Variants in USP46 observed in about 807,000 individuals in gnomAD.
USP46 encodes ubiquitin specific peptidase 46.
In USP46, 12 loss-of-function variants were observed where a neutral mutation model predicts 44.4. The ratio of observed to expected loss-of-function variants is 0.27; its 90% CI spans 0.17 to 0.44. The LOEUF is 0.44. USP46 is among the 20% of genes least tolerant of loss of function. The pLI, the probability that USP46 is intolerant of heterozygous loss-of-function variation, is 1.00. For synonymous variants in USP46, 155 were observed against 161.5 expected (o/e 0.96, Z 0.31); for missense variants, 248 against 444.8 (o/e 0.56, Z 3.98).
At chr4:52,611,716 G>A (rs539071297) in intron 4 of USP46, among the ~76,000 whole-genome samples, 29 of 152,134 alleles carry the variant, frequency 1.9e-4, no homozygotes, top group African/African-American at 5.3e-4. Flanking sequence ...GTGAAACTCC[G>A]TCTCTACTAA....
intron 1 of USP46, among the ~76,000 whole-genome samples, chr4:52,642,417 T>TG (rs1718377463): frequency 6.6e-6 from 1 of 152,236 alleles, no homozygotes; most frequent in Admixed American, 6.5e-5. Flanking sequence ...GGTTTGAACT[T>TG]GAACAATCTG....
rs759107329 is a variant in USP46, at chr4:52,630,606, C to T, written c.117+458G>A. 9.2e-5 allele frequency among the ~76,000 whole-genome samples: 14 copies of T among 151,868 alleles called. No homozygotes were observed. In the East Asian group the frequency reaches 1.7e-3, roughly 19 times the overall value. ...CTAAAAAATTAGCTGGGCATGGTGG[C>T]GCATGCCTGTAATCCCAGCTACTCG... On this transcript the variant is annotated intron_variant, in intron 2 of 8. Transcript: ENST00000441222.
At chr4:52,605,266 T>G (rs1160824466) in intron 5 of USP46, among the ~76,000 whole-genome samples, 1 of 152,150 alleles carries the variant, frequency 6.6e-6, no homozygotes, top group African/African-American at 2.4e-5. Context: ...ACAAAAGCCA[T>G]TGTGTTTGTC....
Position 52,659,075 on chromosome 4 carries a change from C to T in USP46, c.36+40G>A, listed in dbSNP as rs572623224. The stretch of plus-strand genomic sequence containing the variant: ...TCGGGCTTCCCTTTCTTTGCCTCGC[C>T]GCGAGTCGGGCGCGACCCCGAGGCG... On this transcript the variant is annotated intron_variant, in intron 1 of 8. Transcript: ENST00000441222. The surrounding 1 kb of genome is among the most constrained non-coding windows in gnomAD (Gnocchi z 4.2). 6 of 1,542,500 alleles carry T rather than the reference C, an allele frequency of 3.9e-6. No homozygotes were observed. In the South Asian group the frequency reaches 4.8e-5, roughly 12 times the overall value.
In USP46 at chr4:52,598,614, A is replaced by G. The variant is rs1333332173; in HGVS notation, c.999+14T>C. On this transcript the variant is annotated intron_variant, in intron 8 of 8. Transcript: ENST00000441222. ...GATGCTCTATGACTACTGGAGAATA[A>G]TCTGCAAACCAACCTCTACAATGTC... The G allele has an allele frequency of 2.0e-5, 32 of 1,605,030 alleles. No homozygotes were observed. The highest frequency in any genetic ancestry group is 2.7e-5 in the Non-Finnish European group (32 of 1,175,650).
At chr4:52,636,901 C>T (rs1718139602) in intron 1 of USP46, among the ~76,000 whole-genome samples, 1 of 151,594 alleles carries the variant, frequency 6.6e-6, no homozygotes, top group African/African-American at 2.4e-5. Context: ...CCTTGACCTC[C>T]CAGGCTCAAG....
At chr4:52,638,284 T>G (rs780679215) in intron 1 of USP46, among the ~76,000 whole-genome samples, 29 of 152,000 alleles carry the variant, frequency 1.9e-4, no homozygotes, top group Admixed American at 1.4e-3. Flanking sequence ...GCCATGCTGC[T>G]GGCCTTGAAG....
chr4:52,658,657 A>G (rs545645718), intron 1 of USP46, among the ~76,000 whole-genome samples: 1 of 152,332 alleles, frequency 6.6e-6, no homozygotes, highest in South Asian at 2.1e-4. Context: ...TTGCTATTGC[A>G]AAGTGAATTT....
chr4:52,599,919 C>T (rs920011544), intron 7 of USP46, among the ~76,000 whole-genome samples: 3 of 152,118 alleles, frequency 2.0e-5, no homozygotes, highest in African/African-American at 7.2e-5. Flanking sequence ...TAAACTCTGC[C>T]AGAGATAATC....
rs1316287178 is a variant in USP46, at chr4:52,632,976, G to GAA, written c.37-1834_37-1833dup. 9.1e-5 allele frequency among the ~76,000 whole-genome samples: 7 copies of GAA among 76,758 alleles called. No homozygotes were observed. In the South Asian group the frequency reaches 2.9e-3, roughly 32 times the overall value. 50.4% of individuals were successfully genotyped at this position (76,758 alleles called of 152,430 possible). Reference sequence around the variant, plus strand: ...AGAAAGAAAGAAAGAAAGAAAGAAAGAAAGAAAGAAAAGAAAAGAAAGAAA... The same window carrying GAA: ...AGAAAGAAAGAAAGAAAGAAAGAAAGAAAAAGAAAGAAAAGAAAAGAAAGAAA... On this transcript the variant is annotated intron_variant, in intron 1 of 8. Coordinates refer to ENST00000441222, the MANE Select transcript of USP46 (RefSeq NM_022832.4).
intron 1 of USP46, among the ~76,000 whole-genome samples, chr4:52,641,129 T>C (rs909451672): frequency 2.0e-5 from 3 of 152,148 alleles, no homozygotes; most frequent in Non-Finnish European, 4.4e-5. Context: ...ATTGCACTTC[T>C]ATTGCTAGCA....
rs1399425962 is a variant in USP46 at position 52,593,501 on chromosome 4, T to C, written c.*4139A>G. Reference sequence around the variant, plus strand: ...AATTGGGCCCAAGCATGTATTCCGATGACAATCTTCTGTCCACCCACAGGT... The same window carrying C: ...AATTGGGCCCAAGCATGTATTCCGACGACAATCTTCTGTCCACCCACAGGT... On this transcript the variant is annotated 3_prime_UTR_variant, in exon 9 of 9. Coordinates refer to ENST00000441222, the MANE Select transcript of USP46 (RefSeq NM_022832.4). 1 of 152,262 alleles carries C rather than the reference T, an allele frequency of 6.6e-6. No homozygotes were observed. Among genetic ancestry groups the C allele is most frequent in the African/African-American group, 2.4e-5 (1 of 41,472 alleles). The allele number at this position is 152,262 out of a possible 1,614,324, so 9.4% of individuals were successfully genotyped here. A position where few individuals can be genotyped will look rare whatever the true frequency, so the allele number is the denominator to read the frequency against.
intron 4 of USP46, among the ~76,000 whole-genome samples, chr4:52,624,457 G>A (rs765518104): frequency 2.0e-5 from 3 of 152,090 alleles, no homozygotes; most frequent in Non-Finnish European, 2.9e-5. Flanking sequence ...GAAGATTACC[G>A]GTAACTTTTA....
intron 4 of USP46, among the ~76,000 whole-genome samples, chr4:52,612,704 G>T (rs986250295): frequency 6.6e-6 from 1 of 152,210 alleles, no homozygotes; most frequent in African/African-American, 2.4e-5. Flanking sequence ...TTGCAGACAC[G>T]TGAGTGGGCT....
At chr4:52,654,006 A>T (rs947214080) in intron 1 of USP46, among the ~76,000 whole-genome samples, 2 of 152,236 alleles carry the variant, frequency 1.3e-5, no homozygotes, top group Non-Finnish European at 2.9e-5. Flanking sequence ...GTTGTTATAC[A>T]GAAAAGGTAT....
At position 52,656,199 on chromosome 4, in the gene USP46, T is replaced by A; in HGVS notation, c.36+2916A>T. On this transcript the variant is annotated intron_variant, in intron 1 of 8. Coordinates refer to ENST00000441222, the MANE Select transcript of USP46 (RefSeq NM_022832.4). ...AATCACCATTTGCTCTTACTACAAC[T>A]ACTCAAACCAGCTGGGACCAAAGTT... 6.4e-6 allele frequency: 8 copies of A among 1,245,912 alleles called. No homozygotes were observed. In the South Asian group the frequency reaches 9.2e-5, roughly 14 times the overall value. 77.2% of individuals were successfully genotyped at this position (1,245,912 alleles called of 1,614,324 possible).
intron 1 of USP46, among the ~76,000 whole-genome samples, chr4:52,645,856 T>G (rs1560412069): frequency 6.6e-6 from 1 of 152,166 alleles, no homozygotes; most frequent in Non-Finnish European, 1.5e-5. Flanking sequence ...GTTCTCATGA[T>G]AGTGAGTGAG....
chr4:52,639,860 GTTTTTT>G (rs34078992), intron 1 of USP46, among the ~76,000 whole-genome samples: 2 of 116,620 alleles, frequency 1.7e-5, no homozygotes, highest in Admixed American at 1.8e-4. Context: ...CCATGCCTGG[GTTTTTT>G]TTTTTTTTTT....
chr4:52,640,648 A>G (rs1422124653), intron 1 of USP46, among the ~76,000 whole-genome samples: 1 of 151,878 alleles, frequency 6.6e-6, no homozygotes, highest in Non-Finnish European at 1.5e-5. Flanking sequence ...TTAAAAAAAA[A>G]ATACAAAATT....
Sources: allele counts gnomAD v4.1 joint callset (sites outside exome capture counted in the v4.1 genomes callset), GRCh38; gene constraint gnomAD v4.1.1; non-coding constraint Gnocchi (gnomAD v3.1); transcripts MANE v1.5; gene names NCBI Gene and HGNC (gene_info 2026-07-23, HGNC 2026-07-21).